Variants in RGS3 observed in about 807,000 individuals in gnomAD.
The protein encoded by RGS3 is regulator of G protein signaling 3, also known as regulator of G-protein signalling 3.
A neutral mutation model predicts 132.6 loss-of-function variants in RGS3; 80 were observed. The observed-to-expected ratio is 0.60, with a 90% confidence interval of 0.50 to 0.73. The LOEUF is 0.73. RGS3 is among the 30% of genes least tolerant of loss of function. RGS3 has a pLI of 0.00. For synonymous variants in RGS3, 598 were observed against 620.6 expected (o/e 0.96, Z 0.54); for missense variants, 1,382 against 1,530.8 (o/e 0.90, Z 1.62).
chr9:113,458,390 C>T (rs948593865), upstream of RGS3, among the ~76,000 whole-genome samples: 1 of 152,200 alleles, frequency 6.6e-6, no homozygotes, highest in Non-Finnish European at 1.5e-5. Flanking sequence ...TTGCCAACCC[C>T]TGCACTAATA....
intron 8 of RGS3, among the ~76,000 whole-genome samples, chr9:113,496,551 CTCTT>C (rs1298546379): frequency 1.3e-5 from 2 of 151,652 alleles, no homozygotes; most frequent in East Asian, 3.9e-4. Context: ...CTCTCTCTCT[CTCTT>C]TTTTTTTTCT....
intron 7 of RGS3, among the ~76,000 whole-genome samples, chr9:113,493,547 C>T (rs1400310261): frequency 6.6e-6 from 1 of 152,154 alleles, no homozygotes; most frequent in Non-Finnish European, 1.5e-5. Flanking sequence ...CCCCACCCCT[C>T]GCTTGACTTG....
At chr9:113,593,547 T>G (rs974255803) in intron 21 of RGS3, 9 of 201,074 alleles carry the variant, frequency 4.5e-5, no homozygotes, top group African/African-American at 1.9e-4. Context: ...ACTTCTGAAG[T>G]TATTCAGGCT....
At chr9:113,552,163 A>T (rs533433881) in intron 19 of RGS3, among the ~76,000 whole-genome samples, 3 of 152,130 alleles carry the variant, frequency 2.0e-5, no homozygotes, top group Admixed American at 6.5e-5. Flanking sequence ...ATTTTAATCA[A>T]TTGGGAATTT....
At chr9:113,511,637 C>G (rs917573737) in intron 14 of RGS3, among the ~76,000 whole-genome samples, 3 of 152,134 alleles carry the variant, frequency 2.0e-5, no homozygotes, top group Non-Finnish European at 2.9e-5. Flanking sequence ...GTGTTGGGTA[C>G]TTCAGGTGAG....
intron 19 of RGS3, chr9:113,581,740 A>G (rs1446065447): frequency 6.6e-6 from 1 of 152,260 alleles, no homozygotes; most frequent in African/African-American, 2.4e-5. Context: ...CTTTCTGTCT[A>G]TGCAGTGGGG....
At chr9:113,474,377 T>C (rs1829927118) in intron 3 of RGS3, among the ~76,000 whole-genome samples, 1 of 152,164 alleles carries the variant, frequency 6.6e-6, no homozygotes, top group Non-Finnish European at 1.5e-5. Context: ...CTGGGTTATG[T>C]CCATAGAGCT....
At chr9:113,540,705 C>T (rs1354885123) in intron 19 of RGS3, among the ~76,000 whole-genome samples, 9 of 152,212 alleles carry the variant, frequency 5.9e-5, no homozygotes, top group East Asian at 1.9e-4. Flanking sequence ...CGGGGAGGGA[C>T]GCACAGAGCA....
chr9:113,541,538 G>GGGTCT, intron 19 of RGS3: 1 of 1,497,948 alleles, frequency 6.7e-7, no homozygotes, highest in Non-Finnish European at 8.9e-7. Context: ...CCAAGATGGT[G>GGGTCT]GGTCTAGGGT....
At chr9:113,553,803 G>A (rs761476013) in intron 19 of RGS3, among the ~76,000 whole-genome samples, 29 of 151,016 alleles carry the variant, frequency 1.9e-4, no homozygotes, top group Non-Finnish European at 3.7e-4. Flanking sequence ...AGATTGTGCC[G>A]TTGCACTCCA....
intron 7 of RGS3, among the ~76,000 whole-genome samples, chr9:113,491,030 G>T (rs1238090421): frequency 7.8e-6 from 1 of 128,066 alleles, no homozygotes; most frequent in Non-Finnish European, 1.6e-5. Flanking sequence ...ATTATATATT[G>T]GTATATATAA....
chr9:113,521,051 G>A (rs1831929551), intron 16 of RGS3, among the ~76,000 whole-genome samples: 1 of 152,118 alleles, frequency 6.6e-6, no homozygotes, highest in African/African-American at 2.4e-5. Flanking sequence ...GAGGGCAGTG[G>A]TGTTATTTAT....
chr9:113,583,981 C>A, exon 20 of RGS3: 8 of 1,614,084 alleles, frequency 5.0e-6, no homozygotes, highest in Non-Finnish European at 5.9e-6. Flanking sequence ...CTTCGTGATC[C>A]CTGAGGTCCG....
chr9:113,594,872 C>A, intron 22 of RGS3, 47 bp from the exon 21 acceptor site: 1 of 1,583,942 alleles, frequency 6.3e-7, no homozygotes, highest in Non-Finnish European at 8.7e-7. Flanking sequence ...CCCCAAGGTT[C>A]CCAAGCCTCT....
intron 7 of RGS3, 117 bp downstream of exon 5, chr9:113,485,810 G>T (rs1037226217): frequency 1.4e-6 from 1 of 694,358 alleles, no homozygotes; most frequent in Non-Finnish European, 2.5e-6. Flanking sequence ...AGTGATAGTG[G>T]CAATACTAAA....
rs57907385 is a variant in RGS3 at position 113,490,768 on chromosome 9, A to G, written c.690-5018A>G. Among the ~76,000 whole-genome samples, 281 of 138,222 alleles carry G rather than the reference A, an allele frequency of 2.0e-3. 4 individuals carry two copies. In the East Asian group the frequency reaches 0.05, roughly 25 times the overall value. The allele number at this position is 138,222 out of a possible 152,430, so 90.7% of individuals were successfully genotyped here. ...ATTATATTGGTATATATAATTATAT[A>G]TATAACTTAAATATAATTATATATC... On this transcript the variant is annotated intron_variant, in intron 7 of 24. Transcript: ENST00000350696.
chr9:113,487,069 A>G (rs1188313773), intron 7 of RGS3, among the ~76,000 whole-genome samples: 4 of 142,666 alleles, frequency 2.8e-5, no homozygotes, highest in African/African-American at 9.9e-5. Flanking sequence ...ACCTGGAGCC[A>G]GGGGTTAACA....
At chr9:113,559,928 T>A (rs1021583063) in intron 19 of RGS3, among the ~76,000 whole-genome samples, 6 of 152,244 alleles carry the variant, frequency 3.9e-5, no homozygotes, top group Admixed American at 3.3e-4. Context: ...GCAATAACAA[T>A]GATGGCTCTT....
chr9:113,550,354 A>C (rs1057108651), intron 19 of RGS3, among the ~76,000 whole-genome samples: 4 of 152,226 alleles, frequency 2.6e-5, no homozygotes, highest in Non-Finnish European at 5.9e-5. Context: ...ACAGAGTGAA[A>C]CTTCATCTCA....
Sources: gnomAD v4.1 joint callset for allele counts (sites outside exome capture counted in the v4.1 genomes callset) on GRCh38, gnomAD v4.1.1 for gene constraint, MANE v1.5 for transcripts, NCBI Gene and HGNC (gene_info 2026-07-23, HGNC 2026-07-21) for gene names.